CRPPA: variants seen among roughly 807,000 people sequenced by gnomAD.
CRPPA encodes D-ribitol-5-phosphate cytidylyltransferase.
A neutral mutation model predicts 52.0 loss-of-function variants in CRPPA; 43 were observed. The observed-to-expected ratio is 0.83, with a 90% CI of 0.65 to 1.07. CRPPA has a LOEUF of 1.07. Ranked by LOEUF, CRPPA falls within the 50% of genes least tolerant of loss-of-function variation. The pLI is 0.00. For missense variants in CRPPA, 629 were observed against 551.7 expected (o/e 1.14, Z -1.40); for synonymous variants, 250 against 203.5 (o/e 1.23, Z -1.94).
At chr7:16,231,074 G>A (rs892332632) in intron 8 of CRPPA, among the ~76,000 whole-genome samples, 2 of 152,166 alleles carry the variant, frequency 1.3e-5, no homozygotes, top group Non-Finnish European at 2.9e-5. Flanking sequence ...CTGGTGTTGA[G>A]TATTATTGTG....
chr7:16,345,975 T>C (rs1786004850), intron 3 of CRPPA, among the ~76,000 whole-genome samples: 1 of 152,226 alleles, frequency 6.6e-6, no homozygotes, highest in Non-Finnish European at 1.5e-5. Context: ...AGTCTCGTTG[T>C]AGACGTAAGT....
At chr7:16,311,381 T>C (rs1785031576) in intron 3 of CRPPA, among the ~76,000 whole-genome samples, 1 of 152,134 alleles carries the variant, frequency 6.6e-6, no homozygotes, top group African/African-American at 2.4e-5. Context: ...CTCATCCTTT[T>C]AATGCCTCCA....
intron 8 of CRPPA, among the ~76,000 whole-genome samples, chr7:16,230,039 C>T (rs959748104): frequency 1.3e-5 from 2 of 151,960 alleles, no homozygotes; most frequent in Admixed American, 1.3e-4. Context: ...ATGTTATCTG[C>T]TTCCTTTCTC....
intron 9 of CRPPA, among the ~76,000 whole-genome samples, chr7:16,199,066 T>C (rs6461229): frequency 0.3 from 45,375 of 151,918 alleles, 7,094 homozygotes; most frequent in East Asian, 0.52. Flanking sequence ...CAACCCTTTG[T>C]AATTTTTTAC....
At chr7:16,400,359 T>C (rs923560033) in intron 2 of CRPPA, among the ~76,000 whole-genome samples, 1 of 152,208 alleles carries the variant, frequency 6.6e-6, no homozygotes, top group Non-Finnish European at 1.5e-5. Flanking sequence ...GATTGACACA[T>C]GACCAACACG....
At chr7:16,233,928 T>A (rs1332025475) in intron 8 of CRPPA, among the ~76,000 whole-genome samples, 1 of 152,132 alleles carries the variant, frequency 6.6e-6, no homozygotes, top group African/African-American at 2.4e-5. Context: ...GGCTGCTGGG[T>A]CCGTTTAATT....
rs886043637 is a variant in CRPPA, at chr7:16,421,123, T to G, written c.200A>C (p.Gln67Pro). 3.8e-6 allele frequency: 5 copies of G among 1,319,460 alleles called. No homozygotes were observed. Among genetic ancestry groups the G allele is most frequent in the African/African-American group, 3.1e-5 (2 of 65,076 alleles). The allele number at this position is 1,319,460 out of a possible 1,614,324, so 81.7% of individuals were successfully genotyped here. A position where few individuals can be genotyped will look rare whatever the true frequency, so the allele number is the denominator to read the frequency against. Residue 67 changes from glutamine (Q) to proline (P), a missense_variant, in exon 1 of 10, where the codon CAA becomes CCA. Transcript: ENST00000407010. ...CGGCCTCTCCAGGATGGGGCAGAATTGCTTCGGGGTGGGGACCCCCATCCT... is the reference window on the plus strand; with the variant it reads ...CGGCCTCTCCAGGATGGGGCAGAATGGCTTCGGGGTGGGGACCCCCATCCT... The part of the protein sequence containing the change: ...GERMGVPTPK[Q>P]FCPILERPLI...
chr7:16,300,613 G>A (rs754685556), intron 5 of CRPPA, among the ~76,000 whole-genome samples: 4 of 152,140 alleles, frequency 2.6e-5, no homozygotes, highest in Non-Finnish European at 5.9e-5. Flanking sequence ...AGGGGAGTGA[G>A]GGATGGGTAC....
At chr7:16,240,509 G>A (rs191206470) in intron 8 of CRPPA, among the ~76,000 whole-genome samples, 264 of 151,734 alleles carry the variant, frequency 1.7e-3, no homozygotes, top group African/African-American at 5.9e-3. Flanking sequence ...ATAAGGTTGA[G>A]ACAGGAATGG....
At chr7:16,250,486 T>C (rs188061231) in intron 8 of CRPPA, among the ~76,000 whole-genome samples, 4 of 152,220 alleles carry the variant, frequency 2.6e-5, no homozygotes, top group African/African-American at 9.6e-5. Context: ...AAGGTCAGGT[T>C]ACCCACAAAG....
At chr7:16,361,672 G>A (rs542339187) in intron 3 of CRPPA, among the ~76,000 whole-genome samples, 1 of 152,154 alleles carries the variant, frequency 6.6e-6, no homozygotes, top group Non-Finnish European at 1.5e-5. Context: ...AATGGGGATT[G>A]CCACGAGCTG....
intron 3 of CRPPA, among the ~76,000 whole-genome samples, chr7:16,345,602 G>A (rs1785993451): frequency 6.6e-6 from 1 of 152,092 alleles, no homozygotes; most frequent in Non-Finnish European, 1.5e-5. Context: ...AGAGAACACA[G>A]TATTGCTGAA....
At chr7:16,151,829 C>T (rs912222006) in intron 9 of CRPPA, among the ~76,000 whole-genome samples, 3 of 151,736 alleles carry the variant, frequency 2.0e-5, no homozygotes, top group East Asian at 3.9e-4. Context: ...TAGAAAAATA[C>T]TAGTAAATAT....
intron 9 of CRPPA, 116 bp from the exon 10 acceptor site, chr7:16,091,915 T>G: frequency 1.8e-6 from 1 of 548,400 alleles, no homozygotes; most frequent in Non-Finnish European, 3.1e-6. Context: ...TTTTAGAAAC[T>G]CAGACTCTAG....
At chr7:16,362,869 T>G (rs1021256870) in intron 3 of CRPPA, among the ~76,000 whole-genome samples, 1 of 152,196 alleles carries the variant, frequency 6.6e-6, no homozygotes, top group Non-Finnish European at 1.5e-5. Context: ...GAGGTTTGTC[T>G]CAGTTTTTCT....
At chr7:16,352,332 G>A (rs1223885281) in intron 3 of CRPPA, among the ~76,000 whole-genome samples, 1 of 151,744 alleles carries the variant, frequency 6.6e-6, no homozygotes, top group Admixed American at 6.6e-5. Flanking sequence ...GATAGGTGCA[G>A]CAAACCACCA....
At chr7:16,205,336 G>A (rs916927484) in intron 9 of CRPPA, among the ~76,000 whole-genome samples, 2 of 152,116 alleles carry the variant, frequency 1.3e-5, no homozygotes, top group Non-Finnish European at 1.5e-5. Context: ...GCAAAGCCTG[G>A]TGTTCTCAAT....
Position 16,406,333 on chromosome 7 carries a change from A to G in CRPPA, c.262T>C (p.Cys88Arg), listed in dbSNP as rs1384501487. Residue 88 changes from cysteine to arginine, a missense_variant, in exon 2 of 10, where the codon TGT becomes CGT. Cys to Arg is a radical substitution (Grantham distance 180). Transcript: ENST00000407010. ...GCCACAACAATGTCCTTTATCCAAC[A>G]TACTCTAAAAGGAAAGTATATGTAC... ...SYTLQALERVCWIKDIVVAVT... is the reference protein window; with the variant it reads ...SYTLQALERVRWIKDIVVAVT... 6.2e-7 allele frequency: 1 copy of G among 1,612,224 alleles called. No homozygotes were observed. Among genetic ancestry groups the G allele is most frequent in the Non-Finnish European group, 8.5e-7 (1 of 1,178,436 alleles).
At chr7:16,174,628 G>T (rs990286489) in intron 9 of CRPPA, among the ~76,000 whole-genome samples, 3 of 151,474 alleles carry the variant, frequency 2.0e-5, no homozygotes, top group Non-Finnish European at 4.4e-5. Flanking sequence ...AGAATTAGAG[G>T]AAGTACCCAG....
Sources: gnomAD v4.1 joint callset for allele counts (sites outside exome capture counted in the v4.1 genomes callset) on GRCh38, gnomAD v4.1.1 for gene constraint, MANE v1.5 for transcripts, NCBI Gene and HGNC (gene_info 2026-07-23, HGNC 2026-07-21) for gene names.